The following AMPH variants were observed in gnomAD, a reference collection of about 807,000 sequenced individuals.
AMPH encodes amphiphysin.
Under a neutral mutation model 99.1 loss-of-function variants are expected in AMPH, and 49 were observed. The observed-to-expected ratio is 0.49, with a 90% CI of 0.39 to 0.63. The LOEUF is 0.63. Ranked by LOEUF, AMPH falls within the 20% of genes least tolerant of loss-of-function variation. The probability of loss-of-function intolerance (pLI) is 0.00; values close to 1 mark genes in which losing one functional copy is unlikely to be tolerated. For missense variants in AMPH, 759 were observed against 863.4 expected, an observed-to-expected ratio of 0.88 and a Z score of 1.52; for synonymous variants, 314 against 317.3, an observed-to-expected ratio of 0.99 and a Z score of 0.11.
At chr7:38,524,233 T>A (rs1034854977) in intron 2 of AMPH, among the ~76,000 whole-genome samples, 3 of 152,138 alleles carry the variant, frequency 2.0e-5, no homozygotes, top group African/African-American at 7.2e-5. Context: ...TGGGCAGTAC[T>A]CCTCAGAAGT....
At chr7:38,549,617 C>A (rs993958136) in intron 1 of AMPH, among the ~76,000 whole-genome samples, 3 of 152,168 alleles carry the variant, frequency 2.0e-5, no homozygotes, top group Admixed American at 2.0e-4. Flanking sequence ...TAAAACTAAA[C>A]AACCACAAAC....
chr7:38,568,091 TAAGA>T (rs1184923601), intron 1 of AMPH, among the ~76,000 whole-genome samples: 1 of 152,202 alleles, frequency 6.6e-6, no homozygotes, highest in African/African-American at 2.4e-5. Flanking sequence ...CCCAAGCTTT[TAAGA>T]AACACTAACT....
intron 1 of AMPH, among the ~76,000 whole-genome samples, chr7:38,554,842 C>T (rs1477878810): frequency 3.3e-5 from 5 of 152,194 alleles, no homozygotes; most frequent in African/African-American, 7.2e-5. Flanking sequence ...AGTTTAGATA[C>T]GGCTAAGCCA....
At chr7:38,506,592 G>A (rs1160277927) in intron 2 of AMPH, among the ~76,000 whole-genome samples, 1 of 152,122 alleles carries the variant, frequency 6.6e-6, no homozygotes, top group African/African-American at 2.4e-5. Flanking sequence ...CAATTAGGAG[G>A]GCTTGAATCC....
rs1789014925 is a variant in AMPH at position 38,498,565 on chromosome 7, C to A, written c.206-4038G>T. Among the ~76,000 whole-genome samples, 3 of 152,248 alleles carry A rather than the reference C, an allele frequency of 2.0e-5. No individual in the cohort carries two copies. The South Asian group carries it at 6.2e-4, about 32-fold the overall frequency. ...AAGGTTGTAGGGAAAATTACATAAA[C>A]TGAGACATGTCAATGCTTATCTCAG... On this transcript the variant is annotated intron_variant, in intron 3 of 20. Coordinates refer to ENST00000356264, the MANE Select transcript of AMPH (RefSeq NM_001635.4).
chr7:38,456,825 A>G (rs898095658), intron 11 of AMPH, among the ~76,000 whole-genome samples: 24 of 152,186 alleles, frequency 1.6e-4, no homozygotes, highest in African/African-American at 5.5e-4. Context: ...GAGCTAGTGT[A>G]ACCCACATTG....
chr7:38,409,204 T>C (rs1458351907), intron 17 of AMPH, among the ~76,000 whole-genome samples: 2 of 152,226 alleles, frequency 1.3e-5, no homozygotes, highest in Admixed American at 6.5e-5. Context: ...ACAGCGGGAA[T>C]TCTGGCTGCA....
At chr7:38,589,523 C>T (rs2129057546) in intron 1 of AMPH, among the ~76,000 whole-genome samples, 1 of 152,232 alleles carries the variant, frequency 6.6e-6, no homozygotes, top group South Asian at 2.1e-4. Context: ...GTCAACCTAC[C>T]CCGAGCATCA....
At chr7:38,551,359 G>A (rs1240072549) in intron 1 of AMPH, among the ~76,000 whole-genome samples, 1 of 152,132 alleles carries the variant, frequency 6.6e-6, no homozygotes, top group African/African-American at 2.4e-5. Context: ...AAGGCACCAT[G>A]TCTGCCCTGT....
rs1562732339 is a variant in AMPH at position 38,406,721 on chromosome 7, TCTCCCTTTC to T, written c.1398+11095_1398+11103del. On this transcript the variant is annotated intron_variant, in intron 17 of 20. Coordinates refer to ENST00000356264, the MANE Select transcript of AMPH (RefSeq NM_001635.4). ...TGAGTTCTCTCTCCTCTCCTCTCTC[TCTCCCTTTC>T]CCTCTCTCTCTCTCTCTCTCTCTCT... Among the ~76,000 whole-genome samples the T allele has an allele frequency of 2.2e-3, 258 of 115,984 alleles. 1 individual carries two copies. Among genetic ancestry groups the T allele is most frequent in the Admixed American group, 3.5e-3 (37 of 10,474 alleles). The allele number at this position is 115,984 out of a possible 152,430, so 76.1% of individuals were successfully genotyped here.
At chr7:38,562,191 GAGAA>G (rs939160779) in intron 1 of AMPH, among the ~76,000 whole-genome samples, 7 of 151,498 alleles carry the variant, frequency 4.6e-5, no homozygotes, top group Non-Finnish European at 8.8e-5. Context: ...TCCCTAGACA[GAGAA>G]AGAAAAAAAA....
At chr7:38,490,398 T>C (rs148748463) in intron 5 of AMPH, among the ~76,000 whole-genome samples, 1 of 152,290 alleles carries the variant, frequency 6.6e-6, no homozygotes, top group East Asian at 1.9e-4. Flanking sequence ...TTAAAAGCCA[T>C]CTTTACCTCC....
At chr7:38,477,521 G>T (rs1788131564) in intron 5 of AMPH, among the ~76,000 whole-genome samples, 1 of 152,156 alleles carries the variant, frequency 6.6e-6, no homozygotes, top group African/African-American at 2.4e-5. Flanking sequence ...CAGGGCCAAA[G>T]GCACAGATTG....
intron 11 of AMPH, among the ~76,000 whole-genome samples, chr7:38,454,654 A>G (rs924257511): frequency 6.6e-6 from 1 of 152,226 alleles, no homozygotes; most frequent in Admixed American, 6.5e-5. Flanking sequence ...TTGCCAATTC[A>G]TGTAAATAAT....
intron 17 of AMPH, among the ~76,000 whole-genome samples, chr7:38,406,490 T>A (rs1398045888): frequency 1.2e-4 from 19 of 152,148 alleles, no homozygotes; most frequent in Admixed American, 1.2e-3. Flanking sequence ...ATATTAGGTG[T>A]CAACTTGACT....
chr7:38,458,791 TGAACAAGATAAG>T (rs1359967965), intron 11 of AMPH, among the ~76,000 whole-genome samples: 1 of 152,046 alleles, frequency 6.6e-6, no homozygotes, highest in Non-Finnish European at 1.5e-5. Context: ...CTTTCTTCTA[TGAACAAGATAAG>T]GAACAAGATA....
rs541009534 is a variant in AMPH, at chr7:38,551,025, T to C, written c.70-16014A>G. ...TATTCCTGACCATGACCCAAAATGATAAACCATCAGTGGCTTGCTCAAAAC... is the reference window on the plus strand; with the variant it reads ...TATTCCTGACCATGACCCAAAATGACAAACCATCAGTGGCTTGCTCAAAAC... On this transcript the variant is annotated intron_variant, in intron 1 of 20. Coordinates refer to ENST00000356264, the MANE Select transcript of AMPH (RefSeq NM_001635.4). 2.3e-4 allele frequency among the ~76,000 whole-genome samples: 35 copies of C among 152,246 alleles called. No individual in the cohort carries two copies. In the South Asian group the frequency reaches 6.6e-3, roughly 29 times the overall value.
At chr7:38,464,891 GAC>G (rs1055217463) in intron 9 of AMPH, among the ~76,000 whole-genome samples, 3 of 152,182 alleles carry the variant, frequency 2.0e-5, no homozygotes, top group African/African-American at 7.2e-5. Context: ...TGGCAAGGTA[GAC>G]AGGTCACCTA....
chr7:38,510,907 T>C (rs148391598), intron 2 of AMPH, among the ~76,000 whole-genome samples: 110 of 152,330 alleles, frequency 7.2e-4, no homozygotes, highest in African/African-American at 2.3e-3. Context: ...AGTCCCATAA[T>C]TCCATGGAGT....
Sources: gnomAD v4.1 joint callset for allele counts (sites outside exome capture counted in the v4.1 genomes callset) on GRCh38, gnomAD v4.1.1 for gene constraint, MANE v1.5 for transcripts, NCBI Gene and HGNC (gene_info 2026-07-23, HGNC 2026-07-21) for gene names.